Variants in TPO observed in about 807,000 individuals in gnomAD.
TPO encodes thyroid peroxidase.
In TPO, 78 loss-of-function variants were observed where a neutral mutation model predicts 96.9. The observed-to-expected ratio is 0.81, with a 90% CI of 0.67 to 0.97. TPO has a LOEUF of 0.97. Ranked by LOEUF, TPO falls within the 50% of genes least tolerant of loss-of-function variation. The pLI is 0.00. For synonymous variants in TPO, 547 were observed against 538.0 expected (o/e 1.02, Z -0.23); for missense variants, 1,252 against 1,274.8 (o/e 0.98, Z 0.27).
chr2:1,522,365 C>T (rs1185167902), intron 15 of TPO, among the ~76,000 whole-genome samples: 2 of 94,584 alleles, frequency 2.1e-5, no homozygotes, highest in East Asian at 2.9e-4. Flanking sequence ...TACCCCACAC[C>T]GGCCCGCCAC....
intron 1 of TPO, among the ~76,000 whole-genome samples, chr2:1,402,142 T>A (rs1662182098): frequency 6.6e-6 from 1 of 152,172 alleles, no homozygotes; most frequent in Non-Finnish European, 1.5e-5. Flanking sequence ...TGCAGCCAAG[T>A]GGGCCCCAAG....
chr2:1,523,359 CACT>C (rs1367744009), intron 15 of TPO, among the ~76,000 whole-genome samples: 2 of 126,644 alleles, frequency 1.6e-5, no homozygotes, highest in Non-Finnish European at 3.4e-5. Context: ...TAAATCCCCC[CACT>C]GTGTTCAACC....
chr2:1,532,793 C>A (rs564438421), intron 15 of TPO, among the ~76,000 whole-genome samples: 4 of 61,822 alleles, frequency 6.5e-5, no homozygotes, highest in Admixed American at 1.7e-4. Context: ...CCCAAATCCC[C>A]CACACTATGT....
chr2:1,448,035 G>T (rs1666976330), intron 5 of TPO, among the ~76,000 whole-genome samples: 1 of 152,184 alleles, frequency 6.6e-6, no homozygotes, highest in South Asian at 2.1e-4. Context: ...ACGGGATTCT[G>T]TACAGCAGGA....
At chr2:1,477,973 G>A (rs1670147200) in intron 8 of TPO, 3 of 985,330 alleles carry the variant, frequency 3.0e-6, no homozygotes, top group East Asian at 1.1e-4. Context: ...TTCCCGGTGC[G>A]CACAGCCAAG....
chr2:1,494,039 G>A lies in TPO; in HGVS notation c.2006G>A (p.Trp669Ter). ...ATGAAGGCTCTGCGGGACGGTGACT[G>A]GTACGTTCCTATCCAGAGCGTCTTC... is the stretch of plus-strand genomic sequence containing the variant. ...KQMKALRDGD[W>*]FWWENSHVFT... The change falls in exon 11 of 17, where the codon TGG (tryptophan) becomes TAG (stop). Residue 669 changes from tryptophan to a stop codon, truncating the protein, a stop_gained and splice_region_variant. Coordinates refer to ENST00000329066, the MANE Select transcript of TPO (RefSeq NM_001206744.2). LOFTEE classifies it high-confidence loss of function. 1 of 1,613,624 alleles carries A rather than the reference G, an allele frequency of 6.2e-7. No homozygotes were observed. The highest frequency in any genetic ancestry group is 8.5e-7 in the Non-Finnish European group (1 of 1,179,586).
chr2:1,477,586 C>T lies in TPO; in HGVS notation c.1320C>T (p.Val440=). Residue 440 remains valine, a synonymous_variant, in exon 8 of 17, where the codon GTC becomes GTT. Transcript: ENST00000329066. The part of the protein sequence containing the change: ...ADAVYQEARK[V]VGALHQIITL... ...CCGTGTACCAGGAGGCGCGCAAGGT[C>T]GTGGGCGCTCTGCACCAGGTGCGCG... 3 of 1,533,400 alleles carry T rather than the reference C, an allele frequency of 2.0e-6. No individual in the cohort carries two copies. The highest frequency in any genetic ancestry group is 2.0e-5 in the Admixed American group (1 of 50,858). The allele number at this position is 1,533,400 out of a possible 1,614,324, so 95.0% of individuals were successfully genotyped here.
At chr2:1,505,165 T>TG (rs1673275033) in intron 14 of TPO, among the ~76,000 whole-genome samples, 1 of 152,176 alleles carries the variant, frequency 6.6e-6, no homozygotes, top group Non-Finnish European at 1.5e-5. Context: ...CTTCAGAGGC[T>TG]GGGGAGGCTC....
intron 3 of TPO, among the ~76,000 whole-genome samples, chr2:1,427,529 C>T (rs914852048): frequency 2.0e-5 from 3 of 152,192 alleles, no homozygotes; most frequent in Middle Eastern, 3.2e-3. Flanking sequence ...TCGGACAGGG[C>T]AGTGTGCTTT....
intron 3 of TPO, among the ~76,000 whole-genome samples, chr2:1,428,394 G>C (rs1318190700): frequency 2.0e-5 from 3 of 152,192 alleles, no homozygotes; most frequent in African/African-American, 7.2e-5. Flanking sequence ...ACGGGAAAGT[G>C]ACCAGCCAGC....
chr2:1,537,959 GTGTGCAACCTTCTCAAATCCCCCCACTC>G (rs1314590384), intron 15 of TPO, among the ~76,000 whole-genome samples: 6 of 78,082 alleles, frequency 7.7e-5, no homozygotes, highest in African/African-American at 2.3e-4. Flanking sequence ...CCCCCGTAGT[GTGTGCAACCTTCTCAAATCCCCCCACTC>G]TGTGCAACCC....
intron 14 of TPO, among the ~76,000 whole-genome samples, chr2:1,506,434 T>G (rs927094723): frequency 6.6e-6 from 1 of 152,198 alleles, no homozygotes; most frequent in African/African-American, 2.4e-5. Context: ...GTATTTCTAG[T>G]TCTAGATCCC....
chr2:1,529,198 C>T (rs1347052070), intron 15 of TPO, among the ~76,000 whole-genome samples: 2 of 72,154 alleles, frequency 2.8e-5, no homozygotes, highest in Non-Finnish European at 4.8e-5. Flanking sequence ...ATCCCCCCCA[C>T]TCTGTGCAAC....
At chr2:1,516,227 G>A (rs898755109) in intron 14 of TPO, among the ~76,000 whole-genome samples, 1 of 152,146 alleles carries the variant, frequency 6.6e-6, no homozygotes, top group African/African-American at 2.4e-5. Context: ...TCTCTCCTCT[G>A]TCCCATCAGG....
Position 1,456,445 on chromosome 2 carries a change from A to T in TPO, c.819+163A>T, listed in dbSNP as rs533102141. Among the ~76,000 whole-genome samples the T allele has an allele frequency of 2.4e-4, 36 of 152,332 alleles. 1 individual carries two copies. In the South Asian group the frequency reaches 3.5e-3, roughly 15 times the overall value. ...GCATCTCACTGGAAATTCCCTGGGT[A>T]CACGTATATATAGCATGTATGATAG... On this transcript the variant is annotated intron_variant, in intron 7 of 16. Coordinates refer to ENST00000329066, the MANE Select transcript of TPO (RefSeq NM_001206744.2).
intron 14 of TPO, among the ~76,000 whole-genome samples, chr2:1,514,005 C>T (rs112312890): frequency 6.6e-6 from 1 of 152,158 alleles, no homozygotes; most frequent in South Asian, 2.1e-4. Flanking sequence ...GCTTCTAGCT[C>T]TATGTACCGA....
At chr2:1,459,237 C>A (rs1314283628) in intron 7 of TPO, among the ~76,000 whole-genome samples, 1 of 151,896 alleles carries the variant, frequency 6.6e-6, no homozygotes, top group Non-Finnish European at 1.5e-5. Flanking sequence ...CTGCAACCTC[C>A]GCCTCCCGGG....
At chr2:1,540,957 CAAAACTA>C (rs1423953302) in intron 16 of TPO, 1 of 1,498,912 alleles carries the variant, frequency 6.7e-7, no homozygotes, top group Admixed American at 2.0e-5. Context: ...AAACCGGTTC[CAAAACTA>C]AGGGCTCACT....
chr2:1,418,053 C>A (rs1250328879), intron 2 of TPO, among the ~76,000 whole-genome samples: 2 of 152,194 alleles, frequency 1.3e-5, no homozygotes, highest in East Asian at 1.9e-4. Flanking sequence ...GAGGCCGAGG[C>A]GGGAAGATCA....
Sources: gnomAD v4.1 joint callset for allele counts (sites outside exome capture counted in the v4.1 genomes callset) on GRCh38, gnomAD v4.1.1 for gene constraint, MANE v1.5 for transcripts, NCBI Gene and HGNC (gene_info 2026-07-23, HGNC 2026-07-21) for gene names.